Variants in CLNK observed in about 807,000 individuals in gnomAD.
CLNK encodes cytokine dependent hematopoietic cell linker.
Under a neutral mutation model 68.6 loss-of-function variants are expected in CLNK, and 74 were observed. The ratio of observed to expected loss-of-function variants is 1.08; its 90% CI spans 0.89 to 1.31. CLNK has a LOEUF of 1.31. CLNK is among the 50% of genes most tolerant of loss of function. The pLI is 0.00. For synonymous variants in CLNK, 198 were observed against 172.2 expected, an observed-to-expected ratio of 1.15 and a Z score of -1.17; for missense variants, 553 against 515.3, an observed-to-expected ratio of 1.07 and a Z score of -0.71.
At chr4:10,718,488 A>AT in the CLNK span, among the ~76,000 whole-genome samples, 48,926 of 151,808 alleles carry the variant, frequency 0.32, 8,296 homozygotes, top group African/African-American at 0.41. Context: ...GTGGCACAAT[A>AT]TTTTTTAAGT....
chr4:10,652,224 A>G (rs974049508), intron 2 of CLNK, among the ~76,000 whole-genome samples: 4 of 151,856 alleles, frequency 2.6e-5, no homozygotes, highest in South Asian at 2.1e-4. Context: ...CTACTAAAAA[A>G]TACAAATATT....
rs555380404 is a variant in CLNK, at chr4:10,548,227, C to T, written c.446-5947G>A. ...TGTGAGGTGATATTTCACTGTGGCT[C>T]TGAGTTGCATTTCCTTCATGACCAG... On this transcript the variant is annotated intron_variant, in intron 8 of 18. Transcript: ENST00000226951. Among the ~76,000 whole-genome samples, 59 of 152,224 alleles carry T rather than the reference C, an allele frequency of 3.9e-4. No homozygotes were observed. In the South Asian group the frequency reaches 5.0e-3, roughly 13 times the overall value.
At chr4:10,582,932 C>T (rs1720835509) in intron 4 of CLNK, among the ~76,000 whole-genome samples, 1 of 152,104 alleles carries the variant, frequency 6.6e-6, no homozygotes, top group Non-Finnish European at 1.5e-5. Flanking sequence ...ACTCCTTGTA[C>T]CCTATTTTTT....
chr4:10,672,642 G>A (rs1333025273), intron 1 of CLNK, among the ~76,000 whole-genome samples: 2 of 152,086 alleles, frequency 1.3e-5, no homozygotes, highest in East Asian at 1.9e-4. Context: ...TCTTGTACCC[G>A]CCTATGCTTT....
chr4:10,607,687 G>T (rs1473430194), intron 2 of CLNK, among the ~76,000 whole-genome samples: 4 of 152,142 alleles, frequency 2.6e-5, no homozygotes, highest in Non-Finnish European at 5.9e-5. Flanking sequence ...CTTGCTCAGA[G>T]GGTCCTATAC....
At chr4:10,583,692 A>G (rs1003890146) in intron 4 of CLNK, among the ~76,000 whole-genome samples, 1 of 152,158 alleles carries the variant, frequency 6.6e-6, no homozygotes, top group Non-Finnish European at 1.5e-5. Context: ...GCGACTTTAT[A>G]TCAATGGACT....
chr4:10,652,145 C>A (rs778162040), intron 2 of CLNK, among the ~76,000 whole-genome samples: 24 of 151,850 alleles, frequency 1.6e-4, no homozygotes, highest in Non-Finnish European at 3.2e-4. Flanking sequence ...CTTTGGGAGG[C>A]CAAGGTGGGT....
intron 2 of CLNK, among the ~76,000 whole-genome samples, chr4:10,636,082 G>C (rs958992421): frequency 6.6e-6 from 1 of 152,172 alleles, no homozygotes; most frequent in African/African-American, 2.4e-5. Flanking sequence ...GCCTGATGGG[G>C]GCTGGGTAGA....
chr4:10,524,006 C>A, intron 14 of CLNK: 1 of 248,180 alleles, frequency 4.0e-6, no homozygotes, highest in Non-Finnish European at 8.4e-6. Flanking sequence ...GAATAAAACC[C>A]TGTCTCAAAG....
chr4:10,542,829 A>G (rs1719093061), intron 8 of CLNK, among the ~76,000 whole-genome samples: 1 of 152,110 alleles, frequency 6.6e-6, no homozygotes, highest in Non-Finnish European at 1.5e-5. Context: ...TGGATGAAAA[A>G]AAAAACTAAG....
the CLNK span, among the ~76,000 whole-genome samples, chr4:10,699,510 A>ACATTTT: frequency 1.5e-4 from 3 of 19,470 alleles, no homozygotes; most frequent in Non-Finnish European, 3.3e-4. Context: ...ATATATATAT[A>ACATTTT]TATTTTTTTT....
At chr4:10,656,950 C>T (rs1187400738) in intron 2 of CLNK, among the ~76,000 whole-genome samples, 2 of 152,110 alleles carry the variant, frequency 1.3e-5, no homozygotes, top group Non-Finnish European at 2.9e-5. Context: ...ATAAAACAGA[C>T]TATAGAACAA....
At chr4:10,664,559 C>A (rs755867758) in intron 2 of CLNK, among the ~76,000 whole-genome samples, 2 of 152,188 alleles carry the variant, frequency 1.3e-5, no homozygotes, top group African/African-American at 4.8e-5. Context: ...AGGAAGGAAA[C>A]GGTGCTGGGA....
chr4:10,499,278 C>A (rs1293703201), intron 18 of CLNK, among the ~76,000 whole-genome samples: 1 of 152,210 alleles, frequency 6.6e-6, no homozygotes. Flanking sequence ...TAAAGGCTCT[C>A]GTGCCCCTTT....
At chr4:10,669,474 T>C (rs1180769841) in intron 1 of CLNK, among the ~76,000 whole-genome samples, 1 of 152,192 alleles carries the variant, frequency 6.6e-6, no homozygotes, top group African/African-American at 2.4e-5. Flanking sequence ...TGGAGCATCA[T>C]GCGCAAAGGT....
intron 8 of CLNK, among the ~76,000 whole-genome samples, chr4:10,545,032 A>G (rs1455869220): frequency 1.3e-5 from 2 of 152,056 alleles, no homozygotes; most frequent in Admixed American, 6.6e-5. Flanking sequence ...TAAAGGTCTC[A>G]CCTCTCAATA....
chr4:10,634,575 A>C (rs961087824), intron 2 of CLNK, among the ~76,000 whole-genome samples: 1 of 152,166 alleles, frequency 6.6e-6, no homozygotes, highest in African/African-American at 2.4e-5. Flanking sequence ...CTGTGCACCG[A>C]AAGACTGAAT....
At chr4:10,614,404 C>T (rs111343785) in intron 2 of CLNK, among the ~76,000 whole-genome samples, 1 of 152,064 alleles carries the variant, frequency 6.6e-6, no homozygotes, top group South Asian at 2.1e-4. Context: ...ATCTATGATG[C>T]CGTTGTTTCT....
At chr4:10,711,665 C>A in the CLNK span, among the ~76,000 whole-genome samples, 1 of 152,186 alleles carries the variant, frequency 6.6e-6, no homozygotes, top group Non-Finnish European at 1.5e-5. Flanking sequence ...GAGTGTCCAA[C>A]TCAGGGCAGC....
Sources: allele counts gnomAD v4.1 joint callset (sites outside exome capture counted in the v4.1 genomes callset), GRCh38; gene constraint gnomAD v4.1.1; transcripts MANE v1.5; gene names NCBI Gene and HGNC (gene_info 2026-07-23, HGNC 2026-07-21).